HERC2: variants seen among roughly 807,000 people sequenced by gnomAD.
HERC2 encodes E3 ubiquitin-protein ligase HERC2.
A neutral mutation model predicts 537.7 loss-of-function variants in HERC2; 102 were observed. The ratio of observed to expected loss-of-function variants is 0.19; its 90% confidence interval spans 0.16 to 0.22. HERC2 has a LOEUF of 0.22. HERC2 is among the 10% of genes least tolerant of loss of function. The probability of loss-of-function intolerance (pLI) is 1.00; values close to 1 mark genes in which losing one functional copy is unlikely to be tolerated. For synonymous variants in HERC2, 2,224 were observed against 2,466.2 expected (o/e 0.90, Z 2.91); for missense variants, 4,236 against 6,198.2 (o/e 0.68, Z 10.63).
chr15:28,112,069 G>A (rs527738539), intron 92 of HERC2, 34 bp from the exon 93 acceptor site: 1 of 1,603,952 alleles, frequency 6.2e-7, no homozygotes, highest in Non-Finnish European at 8.5e-7. Flanking sequence ...ATTAGAAATT[G>A]AGTACGGCTG....
chr15:28,124,014 A>G, intron 85 of HERC2, 23 bp downstream of exon 85: 1 of 1,553,136 alleles, frequency 6.4e-7, no homozygotes, highest in Non-Finnish European at 8.7e-7. Context: ...TTTCCCCTAG[A>G]GCAAAGATTG....
chr15:28,218,559 C>G lies in HERC2; in HGVS notation c.5958G>C (p.Gln1986His). 6.3e-7 allele frequency: 1 copy of G among 1,598,140 alleles called. No homozygotes were observed. Among genetic ancestry groups the G allele is most frequent in the Non-Finnish European group, 8.5e-7 (1 of 1,179,780 alleles). Residue 1986 changes from glutamine (Q) to histidine (H), a missense_variant, in exon 38 of 93, where the codon CAG (glutamine) becomes CAC (histidine). Coordinates refer to ENST00000261609, the MANE Select transcript of HERC2 (RefSeq NM_004667.6). ...CGCATAAAGTCTTGGTGGCTTCGCT[C>G]TGCATGATCTCAGCATGAACTCCAG... ...LSAGVHAEIM[Q>H]SEATKTLCGL...
intron 23 of HERC2, among the ~76,000 whole-genome samples, chr15:28,239,877 A>G (rs1482978163): frequency 2.9e-4 from 44 of 152,230 alleles, no homozygotes; most frequent in African/African-American, 9.6e-4. Context: ...TGTTGTTGGG[A>G]GAAAGACTGA....
chr15:28,137,040 C>T (rs1164326623), intron 78 of HERC2, among the ~76,000 whole-genome samples: 1 of 150,256 alleles, frequency 6.7e-6, no homozygotes, highest in Non-Finnish European at 1.5e-5. Flanking sequence ...ACAACCAAAA[C>T]AACAACAATA....
At chr15:28,251,917 T>G (rs2140862259) in intron 20 of HERC2, among the ~76,000 whole-genome samples, 1 of 152,332 alleles carries the variant, frequency 6.6e-6, no homozygotes, top group Non-Finnish European at 1.5e-5. Context: ...ATAGGTTATT[T>G]CATATTAAAT....
intron 24 of HERC2, 119 bp from the exon 25 acceptor site, chr15:28,238,336 T>C (rs534788503): frequency 4.1e-5 from 35 of 845,556 alleles, no homozygotes; most frequent in East Asian, 5.1e-5. Context: ...GTTACCAGAG[T>C]ATAATGACCT....
At chr15:28,191,765 T>C (rs1896874993) in intron 53 of HERC2, among the ~76,000 whole-genome samples, 196 bp downstream of exon 53, 1 of 152,236 alleles carries the variant, frequency 6.6e-6, no homozygotes, top group African/African-American at 2.4e-5. Context: ...TTACTCGTAT[T>C]GTTTAAAATC....
At chr15:28,284,186 T>C (rs1313274660) in intron 4 of HERC2, among the ~76,000 whole-genome samples, 2 of 152,100 alleles carry the variant, frequency 1.3e-5, no homozygotes, top group Non-Finnish European at 2.9e-5. Context: ...ATTTTGGGTT[T>C]AGAGATGCTC....
At chr15:28,149,572 T>TA (rs1393308789) in intron 70 of HERC2, among the ~76,000 whole-genome samples, 1 of 149,480 alleles carries the variant, frequency 6.7e-6, no homozygotes, top group Non-Finnish European at 1.5e-5. Context: ...TACGTTCTAG[T>TA]AAAATTACCA....
Position 28,113,918 on chromosome 15 carries a change from C to A in HERC2, c.13914-240G>T, listed in dbSNP as rs899060010. Among the ~76,000 whole-genome samples, 2 of 152,184 alleles carry A rather than the reference C, an allele frequency of 1.3e-5. No homozygotes were observed. Among genetic ancestry groups the A allele is most frequent in the African/African-American group, 4.8e-5 (2 of 41,424 alleles). On this transcript the variant is annotated intron_variant, in intron 90 of 92. Coordinates refer to ENST00000261609, the MANE Select transcript of HERC2 (RefSeq NM_004667.6). This position sits in a 1 kb window ranked among gnomAD's most constrained non-coding sequence, Gnocchi z 7.0. ...TAATGACCACCTACAGCTATGCACA[C>A]CCCAAGACGCCACTCTCAGTACCCA...
chr15:28,210,993 A>G lies in HERC2; in HGVS notation c.7069+9T>C. Reference sequence around the variant, plus strand: ...CTTATAAAGATTTAAGAACTTTTTAAAAAGACACCTGTGTGAACAGTTCCA... The same window carrying G: ...CTTATAAAGATTTAAGAACTTTTTAGAAAGACACCTGTGTGAACAGTTCCA... On this transcript the variant is annotated intron_variant, in intron 44 of 92. Coordinates refer to ENST00000261609, the MANE Select transcript of HERC2 (RefSeq NM_004667.6). 1 of 1,311,996 alleles carries G rather than the reference A, an allele frequency of 7.6e-7. No homozygotes were observed. The highest frequency in any genetic ancestry group is 1.1e-6 in the Non-Finnish European group (1 of 906,870). 81.3% of individuals were successfully genotyped at this position (1,311,996 alleles called of 1,614,324 possible).
At chr15:28,224,026 G>T (rs998625396) in intron 35 of HERC2, among the ~76,000 whole-genome samples, 6 of 151,612 alleles carry the variant, frequency 4.0e-5, no homozygotes, top group Admixed American at 6.6e-5. Flanking sequence ...TGCTAATGAG[G>T]CCTCAAGAAA....
chr15:28,190,161 AC>A (rs1896708180), intron 55 of HERC2: 2 of 146,080 alleles, frequency 1.4e-5, no homozygotes, highest in Non-Finnish European at 3.0e-5. Flanking sequence ...GGTGCCTGCC[AC>A]TACGCCCGGC....
chr15:28,239,161 CA>C (rs1902779794), intron 23 of HERC2, among the ~76,000 whole-genome samples: 1 of 151,868 alleles, frequency 6.6e-6, no homozygotes, highest in Admixed American at 6.6e-5. Flanking sequence ...ATAAGTAACC[CA>C]AAATTCTAAG....
At position 28,191,972 on chromosome 15, in the gene HERC2, A is replaced by G; in HGVS notation, c.8440T>C (p.Ser2814Pro). The G allele has an allele frequency of 1.2e-6, 2 of 1,613,264 alleles. No individual in the cohort carries two copies. Among genetic ancestry groups the G allele is most frequent in the Non-Finnish European group, 1.7e-6 (2 of 1,179,914 alleles). The stretch of plus-strand genomic sequence containing the variant: ...CTATTAGATGCTACCTTTCCTTGCG[A>G]CCCCGATGACTGCCAGCAGGGCTCG... The part of the protein sequence containing the change: ...GSEPCWQSSG[S>P]QGKHWIRLEI... Residue 2814 changes from serine (S) to proline (P), a missense_variant, in exon 53 of 93, where the codon TCG (serine) becomes CCG (proline). Ser to Pro is a moderately conservative substitution (Grantham distance 74). Transcript: ENST00000261609.
Position 28,201,744 on chromosome 15 carries a change from C to G in HERC2, c.7618-190G>C, listed in dbSNP as rs549612490. ...TAGGCAGAATGAATCTCAAAAGCTA[C>G]AAGTATACAAAATTTCCAAGGCACT... On this transcript the variant is annotated intron_variant, in intron 47 of 92. Coordinates refer to ENST00000261609, the MANE Select transcript of HERC2 (RefSeq NM_004667.6). 2.6e-5 allele frequency among the ~76,000 whole-genome samples: 4 copies of G among 152,146 alleles called. No homozygotes were observed. The East Asian group carries it at 5.8e-4, about 22-fold the overall frequency.
chr15:28,308,900 G>C (rs1032841709), intron 2 of HERC2, among the ~76,000 whole-genome samples: 6 of 152,272 alleles, frequency 3.9e-5, no homozygotes, highest in South Asian at 2.1e-4. Context: ...AACCCCACTT[G>C]GTCACAATGA....
At chr15:28,295,308 T>TGGGG (rs3079935) in intron 3 of HERC2, among the ~76,000 whole-genome samples, 11 of 79,682 alleles carry the variant, frequency 1.4e-4, no homozygotes, top group African/African-American at 2.8e-4. Flanking sequence ...TACATGTGTG[T>TGGGG]GGGGGGGGGG....
In HERC2 at chr15:28,272,972, G is replaced by T. The variant is rs2075778860; in HGVS notation, c.833C>A (p.Pro278Gln). The stretch of plus-strand genomic sequence containing the variant: ...CTGGTCCTGCAGGGGGATGCTTCCT[G>T]GCCCTTTGGTGGCTGGCGTTCCGTG... Reference protein sequence around the residue: ...DVHGTPATKGPGSIPLQDQHL... With the variant: ...DVHGTPATKGQGSIPLQDQHL... The change falls in exon 8 of 93, where the codon CCA becomes CAA. Residue 278 changes from proline (P) to glutamine (Q), a missense_variant. Around this residue, in one of 27 missense-constraint regions of HERC2, gnomAD observed 491 missense variants for 559.3 expected, o/e 0.88. Coordinates refer to ENST00000261609, the MANE Select transcript of HERC2 (RefSeq NM_004667.6). 3 of 1,612,526 alleles carry T rather than the reference G, an allele frequency of 1.9e-6. No homozygotes were observed. Among genetic ancestry groups the T allele is most frequent in the African/African-American group, 2.7e-5 (2 of 75,018 alleles).
Sources: allele counts gnomAD v4.1 joint callset (sites outside exome capture counted in the v4.1 genomes callset), GRCh38; gene constraint gnomAD v4.1.1; regional missense constraint gnomAD v4.1.1; non-coding constraint Gnocchi (gnomAD v3.1); transcripts MANE v1.5; gene names NCBI Gene and HGNC (gene_info 2026-07-23, HGNC 2026-07-21).